The following UTS2B variants were observed in gnomAD, a reference collection of about 807,000 sequenced individuals.
UTS2B encodes urotensin-2B.
UTS2B carries 21 observed loss-of-function variants against 19.2 expected under a neutral mutation model. The ratio of observed to expected loss-of-function variants is 1.09; its 90% CI spans 0.78 to 1.58. UTS2B has a LOEUF of 1.58. UTS2B is among the 40% of genes most tolerant of loss of function. UTS2B has a pLI of 0.00. For synonymous variants in UTS2B, 57 were observed against 50.2 expected (o/e 1.14, Z -0.58); for missense variants, 138 against 130.3 (o/e 1.06, Z -0.29).
the UTS2B span, among the ~76,000 whole-genome samples, chr3:191,342,304 ACT>A: frequency 1.2e-4 from 18 of 152,110 alleles, no homozygotes; most frequent in African/African-American, 3.9e-4. Flanking sequence ...TTATCCCATG[ACT>A]CTATCTAAAG....
chr3:191,336,556 G>A, the UTS2B span, among the ~76,000 whole-genome samples: 4 of 151,792 alleles, frequency 2.6e-5, no homozygotes, highest in African/African-American at 9.7e-5. Flanking sequence ...TACATATTCT[G>A]GATACAGTTC....
At chr3:191,319,953 T>G (rs2108611900) in intron 2 of UTS2B, among the ~76,000 whole-genome samples, 1 of 152,092 alleles carries the variant, frequency 6.6e-6, no homozygotes, top group South Asian at 2.1e-4. Context: ...CTAGATACAC[T>G]TCAATTATTC....
intron 5 of UTS2B, among the ~76,000 whole-genome samples, chr3:191,278,405 A>G (rs1716296417): frequency 6.6e-6 from 1 of 151,994 alleles, no homozygotes; most frequent in Non-Finnish European, 1.5e-5. Context: ...GTTGCACCCT[A>G]AAGTTTTACC....
At chr3:191,286,720 C>T (rs2603677) in intron 4 of UTS2B, among the ~76,000 whole-genome samples, 82,818 of 151,244 alleles carry the variant, frequency 0.55, 23,210 homozygotes, top group Middle Eastern at 0.64. Context: ...GGAAAACAAA[C>T]GTAGACGAAG....
chr3:191,344,813 A>G, the UTS2B span, among the ~76,000 whole-genome samples: 1 of 152,170 alleles, frequency 6.6e-6, no homozygotes, highest in South Asian at 2.1e-4. Context: ...TCGGGAGCTC[A>G]GGCATTCTGC....
rs561777702 is a variant in UTS2B, at chr3:191,275,008, TA to T, written c.334+243del. Among the ~76,000 whole-genome samples, 58 of 152,362 alleles carry T rather than the reference TA, an allele frequency of 3.8e-4. No homozygotes were observed. The South Asian group carries it at 0.012, about 30-fold the overall frequency. On this transcript the variant is annotated intron_variant, in intron 8 of 8. Coordinates refer to ENST00000340524, the MANE Select transcript of UTS2B (RefSeq NM_198152.5). ...AAAATAGCAAGAGTAAGCCAGAGTT[TA>T]TACAATAAGGACCTATTTTATTTAA...
chr3:191,278,000 A>G (rs1327002512), intron 6 of UTS2B, 72 bp downstream of exon 6: 1 of 735,530 alleles, frequency 1.4e-6, no homozygotes, highest in African/African-American at 1.9e-5. Flanking sequence ...TAACATTTAG[A>G]AAAAGCAAGT....
intron 3 of UTS2B, among the ~76,000 whole-genome samples, chr3:191,312,406 C>T (rs1048843761): frequency 6.6e-6 from 1 of 152,156 alleles, no homozygotes; most frequent in Non-Finnish European, 1.5e-5. Context: ...CTGTTTTCTT[C>T]TGGCAAGTGG....
chr3:191,268,529 C>T (rs547520386), intron 8 of UTS2B, 88 bp from the exon 9 acceptor site: 17 of 910,928 alleles, frequency 1.9e-5, no homozygotes, highest in African/African-American at 1.4e-4. Flanking sequence ...TGCCTGAATG[C>T]GAGAGTTAAG....
Position 191,275,288 on chromosome 3 carries a change from C to A in UTS2B, c.298G>T (p.Val100Leu), listed in dbSNP as rs766158669. ...GGATGAGAAGAGAATAGACCATCTA[C>A]AGCATAGGACGTCTCAGAATCCTTC... ...EEKDSETSYA[V>L]DGLFSSHPSK... The change falls in exon 8 of 9, where the codon GTA becomes TTA. Residue 100 changes from valine (V) to leucine (L), a missense_variant. Coordinates refer to ENST00000340524, the MANE Select transcript of UTS2B (RefSeq NM_198152.5). 1 of 1,613,508 alleles carries A rather than the reference C, an allele frequency of 6.2e-7. No individual in the cohort carries two copies. Among genetic ancestry groups the A allele is most frequent in the Non-Finnish European group, 8.5e-7 (1 of 1,179,704 alleles).
intron 4 of UTS2B, among the ~76,000 whole-genome samples, chr3:191,292,119 G>GAAA (rs58089139): frequency 2.5e-4 from 36 of 146,026 alleles, no homozygotes; most frequent in East Asian, 1.0e-3. Context: ...GCCAATTTCT[G>GAAA]AAAAAAAAAA....
chr3:191,285,526 A>G (rs1158379371), intron 4 of UTS2B, among the ~76,000 whole-genome samples: 2 of 152,226 alleles, frequency 1.3e-5, no homozygotes, highest in African/African-American at 2.4e-5. Context: ...AAATTCTCCA[A>G]TCAAAAGACA....
chr3:191,270,277 A>G (rs868298642), intron 8 of UTS2B, among the ~76,000 whole-genome samples: 57 of 152,234 alleles, frequency 3.7e-4, no homozygotes, highest in African/African-American at 1.2e-3. Context: ...GCTCACTGCA[A>G]CCTCGAACTC....
intron 5 of UTS2B, among the ~76,000 whole-genome samples, chr3:191,281,444 A>C (rs1357741836): frequency 6.6e-6 from 1 of 151,978 alleles, no homozygotes; most frequent in Non-Finnish European, 1.5e-5. Flanking sequence ...ATTTTAAATA[A>C]AAATTATGTA....
chr3:191,313,085 C>T (rs9855244), intron 3 of UTS2B, among the ~76,000 whole-genome samples: 35,063 of 149,890 alleles, frequency 0.23, 4,266 homozygotes, highest in South Asian at 0.29. Context: ...ATCTCGGCCT[C>T]CCTGGTTCAA....
intron 3 of UTS2B, among the ~76,000 whole-genome samples, chr3:191,312,390 G>C (rs898025484): frequency 1.3e-5 from 2 of 152,186 alleles, no homozygotes; most frequent in Non-Finnish European, 2.9e-5. Flanking sequence ...TGGTCTTTAT[G>C]TTGGGCTGTT....
rs1370378002 is a variant in UTS2B, at chr3:191,286,585, T to A, written c.-124-4272A>T. On this transcript the variant is annotated intron_variant, in intron 4 of 8. Transcript: ENST00000340524. ...CTGGAGACAAATGAAAATGGACACA[T>A]GATGTACCAAAATGTATGGGATACA... Among the ~76,000 whole-genome samples, 3 of 151,908 alleles carry A rather than the reference T, an allele frequency of 2.0e-5. 1 individual carries two copies. Among genetic ancestry groups the A allele is most frequent in the Admixed American group, 1.3e-4 (2 of 15,270 alleles).
At chr3:191,279,995 T>C (rs1716340535) in intron 5 of UTS2B, among the ~76,000 whole-genome samples, 1 of 152,082 alleles carries the variant, frequency 6.6e-6, no homozygotes, top group Non-Finnish European at 1.5e-5. Context: ...AATATCTGAG[T>C]GTAGACACAC....
chr3:191,316,464 T>C (rs1393557526), intron 2 of UTS2B, 25 bp from the exon 3 acceptor site: 1 of 152,238 alleles, frequency 6.6e-6, no homozygotes, highest in Non-Finnish European at 1.5e-5. Context: ...AAAATAGATC[T>C]CCCACAGTGT....
Sources: allele counts gnomAD v4.1 joint callset (sites outside exome capture counted in the v4.1 genomes callset), GRCh38; gene constraint gnomAD v4.1.1; transcripts MANE v1.5; gene names NCBI Gene and HGNC (gene_info 2026-07-23, HGNC 2026-07-21).